The following CAMTA1 variants were observed in gnomAD, a reference collection of about 807,000 sequenced individuals.
The protein encoded by CAMTA1 is calmodulin binding transcription activator 1.
Under a neutral mutation model 170.9 loss-of-function variants are expected in CAMTA1, and 27 were observed. That is an observed-to-expected ratio of 0.16 (90% confidence interval 0.12 to 0.22). The LOEUF (loss-of-function observed/expected upper bound fraction) is 0.22. Among genes scored for constraint, CAMTA1 ranks in the 10% least tolerant of loss-of-function variants. CAMTA1 has a pLI of 1.00. For missense variants in CAMTA1, 1,619 were observed against 2,217.2 expected (o/e 0.73, Z 5.42); for synonymous variants, 833 against 891.5 (o/e 0.93, Z 1.17).
At chr1:7,161,130 T>C (rs1647188104) in intron 4 of CAMTA1, among the ~76,000 whole-genome samples, 1 of 152,202 alleles carries the variant, frequency 6.6e-6, no homozygotes, top group Non-Finnish European at 1.5e-5. Context: ...TTTTAGTGCC[T>C]TTCCTCTGCT....
At chr1:7,605,935 C>T (rs1346422543) in intron 6 of CAMTA1, among the ~76,000 whole-genome samples, 3 of 152,218 alleles carry the variant, frequency 2.0e-5, no homozygotes, top group African/African-American at 7.2e-5. Context: ...AGAGGGACAA[C>T]AAAGTGCTCT....
At position 7,067,452 on chromosome 1, in the gene CAMTA1, T is replaced by G. The variant is rs1709106622; in HGVS notation, c.235-23852T>G. ...CTTCTTCTTCTGCTTCTCTGAGATC[T>G]GAGGGGGATTTGAATGATCTTGACT... On this transcript the variant is annotated intron_variant, in intron 3 of 22. Transcript: ENST00000303635. This position sits in a 1 kb window ranked among gnomAD's most constrained non-coding sequence, Gnocchi z 4.3. 1.3e-5 allele frequency among the ~76,000 whole-genome samples: 2 copies of G among 152,136 alleles called. No homozygotes were observed.
At chr1:7,542,838 AGTGTGTGTGT>A (rs373719721) in intron 6 of CAMTA1, among the ~76,000 whole-genome samples, 1,993 of 55,968 alleles carry the variant, frequency 0.036, 34 homozygotes, top group South Asian at 0.093. Flanking sequence ...CCTAAAACAC[AGTGTGTGTGT>A]GTGTGTGTGT....
At chr1:7,008,423 T>C (rs942068463) in intron 3 of CAMTA1, 13 of 152,136 alleles carry the variant, frequency 8.5e-5, no homozygotes, top group African/African-American at 3.1e-4. Flanking sequence ...GGATTCCAGG[T>C]AGGAGAATCC....
rs1001429894 is a variant in CAMTA1, at chr1:7,680,229, T to C, written c.2914+2496T>C. On this transcript the variant is annotated intron_variant, in intron 11 of 22. Transcript: ENST00000303635. This position sits in a 1 kb window ranked among gnomAD's most constrained non-coding sequence, Gnocchi z 4.4. ...GGCCGGGCGGTGGTGAGCCTTCCGT[T>C]CCCCGCCTGTCCCTCCCGGCCCCTC... 1 of 257,080 alleles carries C rather than the reference T, an allele frequency of 3.9e-6. No homozygotes were observed. Among genetic ancestry groups the C allele is most frequent in the Non-Finnish European group, 8.5e-6 (1 of 117,666 alleles). The allele number at this position is 257,080 out of a possible 1,614,324, so 15.9% of individuals were successfully genotyped here.
At chr1:7,766,204 ATTTTGCTCT>A (rs1402007345) in intron 22 of CAMTA1, among the ~76,000 whole-genome samples, 4 of 152,130 alleles carry the variant, frequency 2.6e-5, no homozygotes, top group Non-Finnish European at 5.9e-5. Flanking sequence ...TTAGACTTTG[ATTTTGCTCT>A]ATTCTTAGAG....
intron 4 of CAMTA1, among the ~76,000 whole-genome samples, chr1:7,197,905 G>C (rs1193855546): frequency 6.6e-6 from 1 of 151,882 alleles, no homozygotes; most frequent in Non-Finnish European, 1.5e-5. Context: ...TCCCCTGCTA[G>C]ACTTGGCCAG....
intron 5 of CAMTA1, among the ~76,000 whole-genome samples, chr1:7,464,284 A>C (rs2093160970): frequency 6.6e-6 from 1 of 152,140 alleles, no homozygotes; most frequent in Non-Finnish European, 1.5e-5. Flanking sequence ...CGAGCCCCGG[A>C]ATGTGGCTCC....
intron 5 of CAMTA1, among the ~76,000 whole-genome samples, chr1:7,254,388 C>G (rs1187497966): frequency 6.6e-6 from 1 of 152,172 alleles, no homozygotes; most frequent in Non-Finnish European, 1.5e-5. Context: ...GTCCACTGAG[C>G]CTGTTCTGTG....
chr1:7,434,853 C>T (rs1384194614), intron 5 of CAMTA1, among the ~76,000 whole-genome samples: 5 of 119,836 alleles, frequency 4.2e-5, no homozygotes, highest in African/African-American at 1.6e-4. Flanking sequence ...CCAACCTGGG[C>T]AACATGGCAA....
At position 7,437,942 on chromosome 1, in the gene CAMTA1, C is replaced by A. The variant is rs117895565; in HGVS notation, c.439-29888C>A. ...AGAAGCCAGAGGACAAACAGGTCAACAAATATAAAAAATCATCTCAAGTGG... is the reference window on the plus strand; with the variant it reads ...AGAAGCCAGAGGACAAACAGGTCAAAAAATATAAAAAATCATCTCAAGTGG... On this transcript the variant is annotated intron_variant, in intron 5 of 22. Transcript: ENST00000303635. Among the ~76,000 whole-genome samples, 400 of 152,326 alleles carry A rather than the reference C, an allele frequency of 2.6e-3. 6 individuals are homozygous for A. The East Asian group carries it at 0.043, about 16-fold the overall frequency.
At chr1:7,541,412 G>A (rs1447173127) in intron 6 of CAMTA1, among the ~76,000 whole-genome samples, 1 of 152,224 alleles carries the variant, frequency 6.6e-6, no homozygotes, top group African/African-American at 2.4e-5. Context: ...GTTGGGAGAA[G>A]GGTTGATATT....
chr1:7,088,386 A>G (rs1351388860), intron 3 of CAMTA1, among the ~76,000 whole-genome samples: 1 of 152,152 alleles, frequency 6.6e-6, no homozygotes, highest in Admixed American at 6.5e-5. Flanking sequence ...TTGGCCACAG[A>G]GGTGACCCCG....
At chr1:7,488,563 T>C (rs1326627071) in intron 6 of CAMTA1, among the ~76,000 whole-genome samples, 3 of 152,204 alleles carry the variant, frequency 2.0e-5, no homozygotes, top group African/African-American at 4.8e-5. Flanking sequence ...TACACATGCA[T>C]GCACATACAT....
intron 3 of CAMTA1, among the ~76,000 whole-genome samples, chr1:6,832,431 T>G (rs1484519202): frequency 6.6e-6 from 1 of 152,234 alleles, no homozygotes; most frequent in Non-Finnish European, 1.5e-5. Flanking sequence ...TACATAATCT[T>G]GAGTGTTTCT....
intron 4 of CAMTA1, among the ~76,000 whole-genome samples, chr1:7,211,559 C>A (rs1447346720): frequency 2.0e-5 from 3 of 152,118 alleles, no homozygotes. Context: ...GAGATTCATC[C>A]GTGTTGTTGT....
chr1:7,220,716 G>A (rs1660597805), intron 4 of CAMTA1, among the ~76,000 whole-genome samples: 1 of 152,232 alleles, frequency 6.6e-6, no homozygotes, highest in Admixed American at 6.5e-5. Context: ...TTCAAAATGA[G>A]AGCCAATCTT....
Position 6,833,482 on chromosome 1 carries a change from A to G in CAMTA1, c.234+8272A>G, listed in dbSNP as rs76299727. Among the ~76,000 whole-genome samples, 323 of 152,352 alleles carry G rather than the reference A, an allele frequency of 2.1e-3. 20 individuals are homozygous for G. The East Asian group carries it at 0.058, about 27-fold the overall frequency. On this transcript the variant is annotated intron_variant, in intron 3 of 22. Transcript: ENST00000303635. ...CAGGGTTAGTTAAATGCAATAGATGATGTTTTGCCAAAACTAAATTGTCTC... is the reference window on the plus strand; with the variant it reads ...CAGGGTTAGTTAAATGCAATAGATGGTGTTTTGCCAAAACTAAATTGTCTC...
rs979577052 is a variant in CAMTA1 at position 7,256,285 on chromosome 1, C to T, written c.438+6659C>T. On this transcript the variant is annotated intron_variant, in intron 5 of 22. Transcript: ENST00000303635. The stretch of plus-strand genomic sequence containing the variant: ...GTAGCAAGAGCAGCCCTAGGCCGGG[C>T]ACGGTGGCTCATGCCTGTAATCCCA... Among the ~76,000 whole-genome samples the T allele has an allele frequency of 3.3e-5, 5 of 151,978 alleles. No individual in the cohort carries two copies. In the East Asian group the frequency reaches 5.8e-4, roughly 18 times the overall value.
Sources: gnomAD v4.1 joint callset for allele counts (sites outside exome capture counted in the v4.1 genomes callset) on GRCh38, gnomAD v4.1.1 for gene constraint, Gnocchi (gnomAD v3.1) non-coding constraint, MANE v1.5 for transcripts, NCBI Gene and HGNC (gene_info 2026-07-23, HGNC 2026-07-21) for gene names.